Variants in AKAP6 observed in about 807,000 individuals in gnomAD.
AKAP6 encodes A-kinase anchoring protein 6.
In AKAP6, 58 loss-of-function variants were observed where a neutral mutation model predicts 188.5. The ratio of observed to expected loss-of-function variants is 0.31; its 90% CI spans 0.25 to 0.38. The LOEUF is 0.38. AKAP6 is among the 10% of genes least tolerant of loss of function. The probability of loss-of-function intolerance (pLI) is 1.00; values close to 1 mark genes in which losing one functional copy is unlikely to be tolerated. For synonymous variants in AKAP6, 989 were observed against 998.6 expected (o/e 0.99, Z 0.18); for missense variants, 2,710 against 2,740.0 (o/e 0.99, Z 0.24).
At chr14:32,343,746 CAAAAAAAAAAAA>C (rs56376110) in intron 1 of AKAP6, among the ~76,000 whole-genome samples, 58 of 37,270 alleles carry the variant, frequency 1.6e-3, no homozygotes, top group African/African-American at 4.9e-3. Context: ...GATTCCGTCT[CAAAAAAAAAAAA>C]AAAAAAAAAA....
chr14:32,552,411 A>G (rs1163979731), intron 4 of AKAP6, among the ~76,000 whole-genome samples: 8 of 152,316 alleles, frequency 5.3e-5, no homozygotes, highest in African/African-American at 1.9e-4. Flanking sequence ...AGTTGTGGGG[A>G]TCAGAAGGGA....
At chr14:32,758,966 C>T (rs1414442591) in intron 11 of AKAP6, among the ~76,000 whole-genome samples, 1 of 152,158 alleles carries the variant, frequency 6.6e-6, no homozygotes, top group Non-Finnish European at 1.5e-5. Context: ...ATAGAGTTTG[C>T]TAACATTTTT....
intron 2 of AKAP6, among the ~76,000 whole-genome samples, chr14:32,523,495 G>T (rs1167544617): frequency 6.7e-6 from 1 of 150,096 alleles, no homozygotes; most frequent in East Asian, 1.9e-4. Flanking sequence ...TTGAGACGGG[G>T]TCTGATTCTG....
At chr14:32,815,784 C>T (rs907863515) in intron 12 of AKAP6, among the ~76,000 whole-genome samples, 2 of 152,290 alleles carry the variant, frequency 1.3e-5, no homozygotes, top group Middle Eastern at 3.4e-3. Flanking sequence ...TGCTGTGTAC[C>T]GGGCTCTCCC....
chr14:32,370,274 G>T (rs1887965470), intron 1 of AKAP6, among the ~76,000 whole-genome samples: 1 of 152,318 alleles, frequency 6.6e-6, no homozygotes, highest in East Asian at 1.9e-4. Flanking sequence ...TTTCCCTAAG[G>T]GGAGTAGCAT....
chr14:32,729,312 C>A (rs1273261025), intron 9 of AKAP6, among the ~76,000 whole-genome samples: 4 of 151,886 alleles, frequency 2.6e-5, no homozygotes, highest in Non-Finnish European at 2.9e-5. Flanking sequence ...GGCGGGGAAG[C>A]CTTTAGCGTA....
In AKAP6 at chr14:32,484,890, T is replaced by C. The variant is rs1238693917; in HGVS notation, c.325-50664T>C. On this transcript the variant is annotated intron_variant, in intron 2 of 13. Transcript: ENST00000280979. ...CCTCTTTTTACCAGCTCTGAGGTGA[T>C]TTTCATATTGAATTGCAAATTCGAA... is the stretch of plus-strand genomic sequence containing the variant. 92 of 220,502 alleles carry C rather than the reference T, an allele frequency of 4.2e-4. 25 individuals are homozygous for C. The highest frequency in any genetic ancestry group is 4.6e-5 in the Non-Finnish European group (7 of 151,198). 13.7% of individuals were successfully genotyped at this position (220,502 alleles called of 1,614,324 possible).
chr14:32,830,523 GAA>G lies in AKAP6; in HGVS notation c.*723_*724del, dbSNP rs1012551072. ...TTTATGCTTCTTGAGGTGGTAATGA[GAA>G]AAAAGTTTTTTAAAAAAGTGTGCCT... On this transcript the variant is annotated 3_prime_UTR_variant, in exon 14 of 14. Transcript: ENST00000280979. The G allele has an allele frequency of 2.6e-5, 4 of 152,482 alleles. No individual in the cohort carries two copies. Among genetic ancestry groups the G allele is most frequent in the African/African-American group, 9.7e-5 (4 of 41,372 alleles). The allele number at this position is 152,482 out of a possible 1,614,324, so 9.4% of individuals were successfully genotyped here. A position where few individuals can be genotyped will look rare whatever the true frequency, so the allele number is the denominator to read the frequency against.
chr14:32,726,623 T>C (rs931094658), intron 9 of AKAP6, among the ~76,000 whole-genome samples: 2 of 152,268 alleles, frequency 1.3e-5, no homozygotes, highest in Non-Finnish European at 2.9e-5. Flanking sequence ...TTTCACGCAG[T>C]GCATTTCAGT....
intron 7 of AKAP6, among the ~76,000 whole-genome samples, chr14:32,660,118 A>G (rs772506671): frequency 5.3e-5 from 8 of 152,182 alleles, no homozygotes; most frequent in Non-Finnish European, 7.4e-5. Context: ...GAATGTGTCC[A>G]TTAATGAAGA....
intron 1 of AKAP6, among the ~76,000 whole-genome samples, chr14:32,341,985 C>G (rs1886904755): frequency 6.6e-6 from 1 of 152,164 alleles, no homozygotes; most frequent in South Asian, 2.1e-4. Flanking sequence ...GCACTCTATC[C>G]TGGGTGACAG....
chr14:32,409,072 C>A (rs1030815335), intron 1 of AKAP6, among the ~76,000 whole-genome samples: 1 of 152,092 alleles, frequency 6.6e-6, no homozygotes, highest in Non-Finnish European at 1.5e-5. Context: ...TGGTGGCATA[C>A]GCTTGTAATC....
rs1466813951 is a variant in AKAP6, at chr14:32,786,495, T to TAC, written c.3588+12602_3588+12603insAC. Among the ~76,000 whole-genome samples, 12 of 37,196 alleles carry TAC rather than the reference T, an allele frequency of 3.2e-4. No individual in the cohort carries two copies. The South Asian group carries it at 0.012, about 38-fold the overall frequency. 24.4% of individuals were successfully genotyped at this position (37,196 alleles called of 152,430 possible). A position where few individuals can be genotyped will look rare whatever the true frequency, so the allele number is the denominator to read the frequency against. ...GCTAATTATTTTATTTTATTTTATT[T>TAC]TTTTATTTTTAGTAGAGATGGGGTT... On this transcript the variant is annotated intron_variant, in intron 12 of 13. Coordinates refer to ENST00000280979, the MANE Select transcript of AKAP6 (RefSeq NM_004274.5).
intron 11 of AKAP6, among the ~76,000 whole-genome samples, chr14:32,766,024 T>G (rs536826889): frequency 3.9e-5 from 6 of 152,148 alleles, no homozygotes; most frequent in Non-Finnish European, 8.8e-5. Context: ...TTTTTGCCCC[T>G]CACTGGAGGC....
chr14:32,637,892 T>TA (rs1386728140), intron 7 of AKAP6, among the ~76,000 whole-genome samples: 1 of 152,072 alleles, frequency 6.6e-6, no homozygotes, highest in East Asian at 1.9e-4. Flanking sequence ...CAATATCACT[T>TA]ACACTGGAAT....
chr14:32,814,969 ACAGT>A (rs2034340851), intron 12 of AKAP6, among the ~76,000 whole-genome samples: 1 of 152,188 alleles, frequency 6.6e-6, no homozygotes, highest in African/African-American at 2.4e-5. Flanking sequence ...TGGAGACAGG[ACAGT>A]CAGAGTACCT....
At position 32,678,415 on chromosome 14, in the gene AKAP6, A is replaced by G. The variant is rs147301044; in HGVS notation, c.2835A>G (p.Glu945=). Residue 945 remains glutamate, a synonymous_variant, in exon 8 of 14, where the codon GAA becomes GAG. Coordinates refer to ENST00000280979, the MANE Select transcript of AKAP6 (RefSeq NM_004274.5). ...EQYTSSSKRK[E]EFADMSKVHS... Reference sequence around the variant, plus strand: ...ATACCAGCAGCAGCAAGCGAAAGGAAGAGTTTGCTGATATGTCAAAAGTTC... The same window carrying G: ...ATACCAGCAGCAGCAAGCGAAAGGAGGAGTTTGCTGATATGTCAAAAGTTC... The G allele has an allele frequency of 4.6e-4, 736 of 1,613,988 alleles. 3 individuals carry two copies. In the African/African-American group the frequency reaches 8.6e-3, roughly 19 times the overall value.
At chr14:32,776,914 C>T (rs988975511) in intron 12 of AKAP6, among the ~76,000 whole-genome samples, 2 of 152,052 alleles carry the variant, frequency 1.3e-5, no homozygotes, top group Non-Finnish European at 2.9e-5. Context: ...ACAGACAGGG[C>T]GCACCGGAGA....
intron 4 of AKAP6, among the ~76,000 whole-genome samples, chr14:32,563,536 C>T (rs966374505): frequency 7.2e-5 from 11 of 152,132 alleles, no homozygotes; most frequent in Admixed American, 5.9e-4. Context: ...ATAGAGATGA[C>T]TGGTCTTTTG....
Sources: gnomAD v4.1 joint callset for allele counts (sites outside exome capture counted in the v4.1 genomes callset) on GRCh38, gnomAD v4.1.1 for gene constraint, MANE v1.5 for transcripts, NCBI Gene and HGNC (gene_info 2026-07-23, HGNC 2026-07-21) for gene names.